Variants in UNC13C observed in about 807,000 individuals in gnomAD.
UNC13C encodes the protein unc-13 homolog C.
A neutral mutation model predicts 245.4 loss-of-function variants in UNC13C; 174 were observed. The observed-to-expected ratio is 0.71, with a 90% CI of 0.63 to 0.80. UNC13C has a LOEUF of 0.80. Among genes scored for constraint, UNC13C ranks in the 30% least tolerant of loss-of-function variants. The pLI, the probability that UNC13C is intolerant of heterozygous loss-of-function variation, is 0.00. For synonymous variants in UNC13C, 992 were observed against 895.1 expected (o/e 1.11, Z -1.93); for missense variants, 2,829 against 2,602.9 (o/e 1.09, Z -1.89).
intron 2 of UNC13C, among the ~76,000 whole-genome samples, chr15:54,119,327 A>G: frequency 7.8e-6 from 1 of 128,972 alleles, no homozygotes; most frequent in South Asian, 2.4e-4. Context: ...TTCTTGAAAT[A>G]TTTTAATTTT....
chr15:54,175,918 A>AT (rs2033598454), intron 4 of UNC13C, among the ~76,000 whole-genome samples: 1 of 152,272 alleles, frequency 6.6e-6, no homozygotes, highest in African/African-American at 2.4e-5. Flanking sequence ...CTAAATAGAA[A>AT]TTTTTTTGAA....
At chr15:54,543,950 C>T (rs557463072) in intron 26 of UNC13C, among the ~76,000 whole-genome samples, 52 of 152,274 alleles carry the variant, frequency 3.4e-4, no homozygotes, top group African/African-American at 1.2e-3. Context: ...TTTTATGAAG[C>T]CAGCATCATC....
chr15:54,235,335 A>AT (rs200156492), intron 5 of UNC13C, among the ~76,000 whole-genome samples: 1,965 of 152,326 alleles, frequency 0.013, 43 homozygotes, highest in African/African-American at 0.045. Flanking sequence ...GGAAATTACA[A>AT]TTAAGTGACT....
At chr15:54,178,233 G>A (rs560630258) in intron 4 of UNC13C, among the ~76,000 whole-genome samples, 1 of 152,148 alleles carries the variant, frequency 6.6e-6, no homozygotes, top group South Asian at 2.1e-4. Context: ...AGATCTGTTT[G>A]TTTGAAGTGG....
chr15:53,882,479 A>G, the UNC13C span, among the ~76,000 whole-genome samples: 1 of 152,174 alleles, frequency 6.6e-6, no homozygotes, highest in African/African-American at 2.4e-5. Flanking sequence ...TAATTTTATA[A>G]TATGTCTGAG....
At chr15:53,977,501 G>A (rs1200710606), upstream of UNC13C, among the ~76,000 whole-genome samples, 1 of 152,136 alleles carries the variant, frequency 6.6e-6, no homozygotes. Flanking sequence ...TTTAACCACA[G>A]CTGCTAGTTG....
intron 4 of UNC13C, among the ~76,000 whole-genome samples, chr15:54,148,841 G>A (rs568882090): frequency 1.3e-5 from 2 of 152,168 alleles, no homozygotes; most frequent in African/African-American, 4.8e-5. Context: ...ATCCTTGCAT[G>A]CTCTGAATCA....
At chr15:54,171,220 T>C (rs1446166940) in intron 4 of UNC13C, among the ~76,000 whole-genome samples, 1 of 152,022 alleles carries the variant, frequency 6.6e-6, no homozygotes, top group Non-Finnish European at 1.5e-5. Flanking sequence ...GTTTTGTCTG[T>C]TCTTGGCAAC....
At chr15:53,887,466 T>A in the UNC13C span, among the ~76,000 whole-genome samples, 1 of 152,184 alleles carries the variant, frequency 6.6e-6, no homozygotes, top group African/African-American at 2.4e-5. Context: ...ATCCTCTTTT[T>A]TAGATATACA....
chr15:54,022,720 T>C (rs1421164514), intron 2 of UNC13C, among the ~76,000 whole-genome samples: 1 of 152,214 alleles, frequency 6.6e-6, no homozygotes, highest in Non-Finnish European at 1.5e-5. Context: ...TTTCTGTAAA[T>C]TGTTTCCTTG....
intron 19 of UNC13C, among the ~76,000 whole-genome samples, chr15:54,466,891 C>T (rs2141035870): frequency 6.6e-6 from 1 of 151,906 alleles, no homozygotes; most frequent in African/African-American, 2.4e-5. Context: ...CAACAAGAAG[C>T]ATCTTAAAAT....
At chr15:53,881,562 T>C in the UNC13C span, among the ~76,000 whole-genome samples, 1 of 152,248 alleles carries the variant, frequency 6.6e-6, no homozygotes, top group African/African-American at 2.4e-5. Context: ...TGTCAACTTC[T>C]AATTCCTTGG....
At chr15:54,068,329 T>C (rs1368134408) in intron 2 of UNC13C, among the ~76,000 whole-genome samples, 1 of 152,188 alleles carries the variant, frequency 6.6e-6, no homozygotes, top group African/African-American at 2.4e-5. Context: ...TAGAGGTAGC[T>C]AGAAGAACGG....
intron 4 of UNC13C, among the ~76,000 whole-genome samples, chr15:54,226,106 A>G (rs2035373118): frequency 6.6e-6 from 1 of 152,182 alleles, no homozygotes; most frequent in African/African-American, 2.4e-5. Context: ...GGTAAATTAC[A>G]TTTATTGATT....
At chr15:54,073,703 T>A (rs1197523899) in intron 2 of UNC13C, among the ~76,000 whole-genome samples, 1 of 152,080 alleles carries the variant, frequency 6.6e-6, no homozygotes, top group East Asian at 1.9e-4. Flanking sequence ...TCTGTCCACA[T>A]CCTTTGCCTA....
At chr15:54,309,719 G>A (rs955610350) in intron 13 of UNC13C, among the ~76,000 whole-genome samples, 1 of 151,764 alleles carries the variant, frequency 6.6e-6, no homozygotes, top group African/African-American at 2.4e-5. Context: ...GTATTCTTCT[G>A]CATGTGGACA....
At chr15:54,000,506 G>T (rs991360059) in intron 1 of UNC13C, among the ~76,000 whole-genome samples, 1 of 152,112 alleles carries the variant, frequency 6.6e-6, no homozygotes, top group African/African-American at 2.4e-5. Flanking sequence ...AAATCTAAGA[G>T]TAAAACCAAT....
At chr15:54,330,369 C>T (rs2038407413) in intron 14 of UNC13C, among the ~76,000 whole-genome samples, 3 of 151,846 alleles carry the variant, frequency 2.0e-5, no homozygotes, top group Non-Finnish European at 2.9e-5. Context: ...GAAAAGAGGT[C>T]GAGAGGGTGA....
intron 17 of UNC13C, among the ~76,000 whole-genome samples, chr15:54,385,925 G>C (rs2039828015): frequency 6.6e-6 from 1 of 152,132 alleles, no homozygotes; most frequent in Non-Finnish European, 1.5e-5. Context: ...CCTTGATTGT[G>C]CCTATAATTC....
Sources: allele counts gnomAD v4.1 joint callset (sites outside exome capture counted in the v4.1 genomes callset), GRCh38; gene constraint gnomAD v4.1.1; transcripts MANE v1.5; gene names NCBI Gene and HGNC (gene_info 2026-07-23, HGNC 2026-07-21).